TENM2: variants seen among roughly 807,000 people sequenced by gnomAD.
TENM2 encodes the protein teneurin transmembrane protein 2.
Under a neutral mutation model 245.2 loss-of-function variants are expected in TENM2, and 52 were observed. That is an observed-to-expected ratio of 0.21 (90% CI 0.17 to 0.27). The LOEUF (loss-of-function observed/expected upper bound fraction) is 0.27. Among genes scored for constraint, TENM2 ranks in the 10% least tolerant of loss-of-function variants. The probability of loss-of-function intolerance (pLI) is 1.00; values close to 1 mark genes in which losing one functional copy is unlikely to be tolerated. For missense variants in TENM2, 3,046 were observed against 3,666.8 expected (o/e 0.83, Z 4.37); for synonymous variants, 1,363 against 1,438.9 (o/e 0.95, Z 1.19).
chr5:167,746,529 T>G (rs1761575169), intron 2 of TENM2, among the ~76,000 whole-genome samples: 1 of 152,162 alleles, frequency 6.6e-6, no homozygotes, highest in Non-Finnish European at 1.5e-5. Context: ...TACACACATG[T>G]CTGAATTACG....
intron 2 of TENM2, among the ~76,000 whole-genome samples, chr5:167,483,068 C>A (rs569582568): frequency 6.6e-6 from 1 of 152,316 alleles, no homozygotes; most frequent in East Asian, 1.9e-4. Context: ...ACCCAGTCAC[C>A]TAATCTCTAT....
intron 2 of TENM2, among the ~76,000 whole-genome samples, chr5:167,422,572 C>A (rs1763575175): frequency 1.3e-5 from 2 of 152,122 alleles, no homozygotes; most frequent in Admixed American, 1.3e-4. Context: ...TAGAATGATT[C>A]TTATGTTTAT....
intron 3 of TENM2, among the ~76,000 whole-genome samples, chr5:167,876,482 A>C (rs1259704626): frequency 2.0e-5 from 3 of 152,202 alleles, no homozygotes; most frequent in Non-Finnish European, 4.4e-5. Context: ...GGTGAAGTGC[A>C]GAGAGACACC....
chr5:167,840,091 G>C (rs1255669126), intron 2 of TENM2, among the ~76,000 whole-genome samples: 1 of 152,216 alleles, frequency 6.6e-6, no homozygotes. Context: ...AAAGTGCTGG[G>C]ATTACAGGCG....
chr5:167,306,108 G>A (rs759936893), intron 1 of TENM2, among the ~76,000 whole-genome samples: 3 of 152,222 alleles, frequency 2.0e-5, no homozygotes, highest in Non-Finnish European at 2.9e-5. Flanking sequence ...AGAGGTGTTG[G>A]TGGGTCTGAC....
At chr5:167,868,465 G>A (rs1048638648) in intron 2 of TENM2, among the ~76,000 whole-genome samples, 4 of 152,006 alleles carry the variant, frequency 2.6e-5, no homozygotes, top group Admixed American at 1.3e-4. Flanking sequence ...CTGACCGGGT[G>A]CAGTGGCTCA....
chr5:168,141,267 C>A (rs1019590157), intron 12 of TENM2, among the ~76,000 whole-genome samples: 1 of 152,142 alleles, frequency 6.6e-6, no homozygotes, highest in African/African-American at 2.4e-5. Flanking sequence ...TGTCTCAGAT[C>A]AGGCTACTGA....
chr5:167,500,034 G>C (rs1769095002), intron 2 of TENM2, among the ~76,000 whole-genome samples: 1 of 143,040 alleles, frequency 7.0e-6, no homozygotes, highest in Non-Finnish European at 1.5e-5. Flanking sequence ...GAGGGTGTGT[G>C]TGTGTGTGTT....
chr5:168,014,653 G>A (rs923154475), intron 5 of TENM2, among the ~76,000 whole-genome samples: 1 of 152,166 alleles, frequency 6.6e-6, no homozygotes, highest in Admixed American at 6.6e-5. Flanking sequence ...AGGGCCATCT[G>A]TGCAAAGTAT....
rs749846307 is a variant in TENM2, at chr5:167,660,464, C to CAAAAAAAAAAA, written c.503-215504_503-215494dup. On this transcript the variant is annotated intron_variant, in intron 2 of 28. Coordinates refer to ENST00000518659, the Ensembl canonical transcript of TENM2. ...TGGGCGACAGAGCAAGGCTGTGTCT[C>CAAAAAAAAAAA]AAAAAAAAAAAAAAAAAAAAAAAAA... 2.4e-3 allele frequency: 78 copies of CAAAAAAAAAAA among 33,168 alleles called. 1 individual carries two copies. Among genetic ancestry groups the CAAAAAAAAAAA allele is most frequent in the African/African-American group, 5.2e-3 (72 of 13,856 alleles). 2.1% of individuals were successfully genotyped at this position (33,168 alleles called of 1,614,324 possible).
At chr5:167,395,522 C>G (rs987457294) in intron 2 of TENM2, among the ~76,000 whole-genome samples, 9 of 152,242 alleles carry the variant, frequency 5.9e-5, no homozygotes, top group Non-Finnish European at 1.0e-4. Context: ...TTTGCTAAGA[C>G]TCTCGGCATT....
chr5:167,299,657 G>T (rs1755189121), intron 1 of TENM2, among the ~76,000 whole-genome samples: 1 of 152,172 alleles, frequency 6.6e-6, no homozygotes, highest in African/African-American at 2.4e-5. Context: ...TGGCGATTAG[G>T]CCTGGTGGAA....
intron 2 of TENM2, among the ~76,000 whole-genome samples, chr5:167,571,585 T>G (rs1417908753): frequency 6.6e-6 from 1 of 152,082 alleles, no homozygotes; most frequent in African/African-American, 2.4e-5. Flanking sequence ...ACCCACCTCC[T>G]CACTAAGGAA....
chr5:167,356,838 C>T lies in TENM2; in HGVS notation c.227-18360C>T, dbSNP rs553692518. Among the ~76,000 whole-genome samples the T allele has an allele frequency of 5.9e-5, 9 of 152,268 alleles. 1 individual carries two copies. In the South Asian group the frequency reaches 1.9e-3, roughly 32 times the overall value. On this transcript the variant is annotated intron_variant, in intron 1 of 28. Transcript: ENST00000518659. ...TGTTTGTCTTCATCAACCCCTTTCT[C>T]CATAAAAAGACATTTAAAATTATAT...
chr5:167,053,605 G>A, the TENM2 span, among the ~76,000 whole-genome samples: 1 of 152,088 alleles, frequency 6.6e-6, no homozygotes, highest in Non-Finnish European at 1.5e-5. Flanking sequence ...GCAGAGTGGA[G>A]CATGCCTGCA....
At chr5:168,002,201 A>T (rs1784463273) in intron 5 of TENM2, among the ~76,000 whole-genome samples, 1 of 152,100 alleles carries the variant, frequency 6.6e-6, no homozygotes, top group Non-Finnish European at 1.5e-5. Context: ...CTTTCTTTGC[A>T]GTTGTTAGGG....
intron 2 of TENM2, among the ~76,000 whole-genome samples, chr5:167,515,650 C>CACATATATACGTGTATATGTATATATAT (rs1770304648): frequency 7.8e-6 from 1 of 128,058 alleles, no homozygotes; most frequent in African/African-American, 3.0e-5. Context: ...TATATATATA[C>CACATATATACGTGTATATGTATATATAT]ACATATATAC....
At chr5:168,154,234 A>T (rs1029014791) in intron 12 of TENM2, among the ~76,000 whole-genome samples, 1 of 148,152 alleles carries the variant, frequency 6.7e-6, no homozygotes, top group Non-Finnish European at 1.5e-5. Context: ...TTTTTTTGAG[A>T]CAAAGTCTCG....
intron 1 of TENM2, among the ~76,000 whole-genome samples, chr5:167,306,866 T>A (rs1460682040): frequency 6.6e-6 from 1 of 152,196 alleles, no homozygotes; most frequent in African/African-American, 2.4e-5. Flanking sequence ...ACTGTATGCC[T>A]CACTATTCCC....
Sources: allele counts gnomAD v4.1 joint callset (sites outside exome capture counted in the v4.1 genomes callset), GRCh38; gene constraint gnomAD v4.1.1; transcripts MANE v1.5; gene names NCBI Gene and HGNC (gene_info 2026-07-23, HGNC 2026-07-21).